Variants in FOXN4 observed in about 807,000 individuals in gnomAD.
FOXN4 encodes forkhead box protein N4.
Under a neutral mutation model 45.0 loss-of-function variants are expected in FOXN4, and 12 were observed. That is an observed-to-expected ratio of 0.27 (90% CI 0.17 to 0.43). The LOEUF is 0.43. Ranked by LOEUF, FOXN4 falls within the 20% of genes least tolerant of loss-of-function variation. The pLI, the probability that FOXN4 is intolerant of heterozygous loss-of-function variation, is 1.00. For missense variants in FOXN4, 560 were observed against 694.9 expected, an observed-to-expected ratio of 0.81 and a Z score of 2.18; for synonymous variants, 297 against 295.0, an observed-to-expected ratio of 1.01 and a Z score of -0.07.
In FOXN4 at chr12:109,285,458, C is replaced by T; in HGVS notation, c.747G>A (p.Lys249=). ...NSVRHNLSLN[K]CFEKVENKMS... is the part of the protein sequence containing the mutation. The stretch of plus-strand genomic sequence containing the variant: ...TCTTGTTCTCCACCTTCTCGAAGCA[C>T]TTGTTCAGAGACAGGTTGTGCCGCA... The change falls in exon 8 of 10, where the codon AAG becomes AAA. Residue 249 remains lysine (K), a synonymous_variant. Transcript: ENST00000299162. The T allele has an allele frequency of 6.2e-7, 1 of 1,614,114 alleles. No homozygotes were observed. Among genetic ancestry groups the T allele is most frequent in the Non-Finnish European group, 8.5e-7 (1 of 1,179,956 alleles).
chr12:109,284,956 T>C (rs749278978), intron 8 of FOXN4, among the ~76,000 whole-genome samples: 38 of 151,040 alleles, frequency 2.5e-4, no homozygotes, highest in Non-Finnish European at 4.6e-4. Flanking sequence ...CTCACCGGGA[T>C]TGGCCATGCT....
chr12:109,304,289 A>AAGAAAGAAAGAAAGAG (rs2047900134), intron 2 of FOXN4, among the ~76,000 whole-genome samples: 7 of 51,240 alleles, frequency 1.4e-4, no homozygotes, highest in African/African-American at 6.3e-4. Context: ...GAAAGAAAGA[A>AAGAAAGAAAGAAAGAG]AGAAAGGAGA....
chr12:109,290,059 G>A lies in FOXN4; in HGVS notation c.232+82C>T, dbSNP rs1455685351. 2.8e-6 allele frequency: 4 copies of A among 1,440,858 alleles called. No homozygotes were observed. In the African/African-American group the frequency reaches 5.7e-5, roughly 21 times the overall value. The allele number at this position is 1,440,858 out of a possible 1,614,324, so 89.3% of individuals were successfully genotyped here. ...GAGACTGGGAGACCGGGTCATGGCT[G>A]CACAGTGGGTGGGTGGCAGGGCTGG... On this transcript the variant is annotated intron_variant, in intron 3 of 9. Coordinates refer to ENST00000299162, the MANE Select transcript of FOXN4 (RefSeq NM_213596.3). This position sits in a 1 kb window ranked among gnomAD's most constrained non-coding sequence, Gnocchi z 5.1.
Position 109,290,119 on chromosome 12 carries a change from C to A in FOXN4, c.232+22G>T. 1 of 1,528,126 alleles carries A rather than the reference C, an allele frequency of 6.5e-7. No individual in the cohort carries two copies. Among genetic ancestry groups the A allele is most frequent in the Non-Finnish European group, 8.8e-7 (1 of 1,133,726 alleles). The allele number at this position is 1,528,126 out of a possible 1,614,324, so 94.7% of individuals were successfully genotyped here. A position where few individuals can be genotyped will look rare whatever the true frequency, so the allele number is the denominator to read the frequency against. Reference sequence around the variant, plus strand: ...CTCTCCTATATCACCCTCCTCCCTGCCTACCTTGTCCCTGAGCCTACCTGG... The same window carrying A: ...CTCTCCTATATCACCCTCCTCCCTGACTACCTTGTCCCTGAGCCTACCTGG... On this transcript the variant is annotated intron_variant, in intron 3 of 9. Transcript: ENST00000299162. The surrounding 1 kb of genome is among the most constrained non-coding windows in gnomAD (Gnocchi z 5.1).
Position 109,286,635 on chromosome 12 carries a change from G to T in FOXN4, c.693+13C>A. 6.2e-7 allele frequency: 1 copy of T among 1,602,206 alleles called. No individual in the cohort carries two copies. The stretch of plus-strand genomic sequence containing the variant: ...GGGCAGCTCCAGCACCCCTACCCTA[G>T]CTTGGGACTCACCTTGAAGTAGGGG... On this transcript the variant is annotated intron_variant, in intron 7 of 9. Transcript: ENST00000299162.
At chr12:109,304,970 G>A (rs2047908610) in intron 2 of FOXN4, among the ~76,000 whole-genome samples, 1 of 152,204 alleles carries the variant, frequency 6.6e-6, no homozygotes. Flanking sequence ...TGCAAATTGG[G>A]TGGCTCCATT....
chr12:109,304,199 A>G (rs1179314892), intron 2 of FOXN4, among the ~76,000 whole-genome samples: 1 of 149,348 alleles, frequency 6.7e-6, no homozygotes, highest in African/African-American at 2.5e-5. Flanking sequence ...AAAAAAAAAA[A>G]AAAGAAAGAA....
intron 2 of FOXN4, among the ~76,000 whole-genome samples, chr12:109,296,254 A>G (rs2047815888): frequency 6.6e-6 from 1 of 152,114 alleles, no homozygotes; most frequent in African/African-American, 2.4e-5. Flanking sequence ...AGCGCTGGGG[A>G]GCTGTGGCCC....
At chr12:109,305,592 C>G (rs1188893342) in intron 2 of FOXN4, among the ~76,000 whole-genome samples, 1 of 151,976 alleles carries the variant, frequency 6.6e-6, no homozygotes, top group African/African-American at 2.4e-5. Flanking sequence ...TAGCCAGGCA[C>G]GGTTGCTCTC....
chr12:109,296,105 C>G (rs2047814027), intron 2 of FOXN4, among the ~76,000 whole-genome samples: 1 of 152,244 alleles, frequency 6.6e-6, no homozygotes, highest in South Asian at 2.1e-4. Flanking sequence ...CCTGTCTCCA[C>G]CCTACTCACC....
At chr12:109,292,006 GC>G (rs986466917) in intron 2 of FOXN4, among the ~76,000 whole-genome samples, 9 of 152,194 alleles carry the variant, frequency 5.9e-5, no homozygotes, top group Non-Finnish European at 1.3e-4. Flanking sequence ...GACAGCCACG[GC>G]CCCGGGCCTG....
Position 109,287,747 on chromosome 12 carries a change from T to A in FOXN4, c.468+97A>T. Reference sequence around the variant, plus strand: ...GAGCATGGAGGGAATGTTATCCCCATGTGCTGGGTGAGTAAACTGAGGCTC... The same window carrying A: ...GAGCATGGAGGGAATGTTATCCCCAAGTGCTGGGTGAGTAAACTGAGGCTC... On this transcript the variant is annotated intron_variant, in intron 5 of 9. Coordinates refer to ENST00000299162, the MANE Select transcript of FOXN4 (RefSeq NM_213596.3). The surrounding 1 kb of genome is among the most constrained non-coding windows in gnomAD (Gnocchi z 4.1). The A allele has an allele frequency of 8.3e-7, 1 of 1,211,598 alleles. No individual in the cohort carries two copies. The highest frequency in any genetic ancestry group is 1.5e-5 in the South Asian group (1 of 64,584). 75.1% of individuals were successfully genotyped at this position (1,211,598 alleles called of 1,614,324 possible).
At chr12:109,284,912 TTGTG>T (rs1202470908) in intron 8 of FOXN4, among the ~76,000 whole-genome samples, 1 of 98,120 alleles carries the variant, frequency 1.0e-5, no homozygotes, top group Non-Finnish European at 2.1e-5. Context: ...GTGTGTGCAT[TTGTG>T]TGTGTGTGCG....
At chr12:109,295,361 A>G (rs1038791994) in intron 2 of FOXN4, among the ~76,000 whole-genome samples, 1 of 152,114 alleles carries the variant, frequency 6.6e-6, no homozygotes, top group Non-Finnish European at 1.5e-5. Context: ...TCTGCTCCCC[A>G]TCTGGGTGTG....
At chr12:109,301,238 C>G (rs906865449) in intron 2 of FOXN4, among the ~76,000 whole-genome samples, 1 of 152,218 alleles carries the variant, frequency 6.6e-6, no homozygotes, top group Non-Finnish European at 1.5e-5. Context: ...ACCCCAGCAT[C>G]CTCGTGTGCC....
intron 2 of FOXN4, among the ~76,000 whole-genome samples, chr12:109,294,891 G>A (rs1295433879): frequency 3.3e-5 from 5 of 152,088 alleles, no homozygotes; most frequent in Non-Finnish European, 7.3e-5. Context: ...CATTAAAGGT[G>A]TCCCCATGTG....
In FOXN4 at chr12:109,283,859, C is replaced by T. The variant is rs1173714048; in HGVS notation, c.901+1445G>A. Among the ~76,000 whole-genome samples the T allele has an allele frequency of 2.6e-5, 4 of 152,310 alleles. No homozygotes were observed. The East Asian group carries it at 5.8e-4, about 22-fold the overall frequency. On this transcript the variant is annotated intron_variant, in intron 8 of 9. Transcript: ENST00000299162. The stretch of plus-strand genomic sequence containing the variant: ...TGGTATGCCATTCTATTTATTTAAC[C>T]AACCCCTATTGTGAGATGTCTGGAC...
chr12:109,302,652 G>T (rs1314942786), intron 2 of FOXN4, among the ~76,000 whole-genome samples: 3 of 152,052 alleles, frequency 2.0e-5, no homozygotes, highest in East Asian at 1.9e-4. Context: ...AGGTGCTCAG[G>T]CCACATTTCT....
At chr12:109,289,897 G>A (rs949245482) in intron 3 of FOXN4, among the ~76,000 whole-genome samples, 2 of 152,246 alleles carry the variant, frequency 1.3e-5, no homozygotes, top group African/African-American at 4.8e-5. Flanking sequence ...AGATGCACCA[G>A]TGTGGCAGCG....
Sources: allele counts gnomAD v4.1 joint callset (sites outside exome capture counted in the v4.1 genomes callset), GRCh38; gene constraint gnomAD v4.1.1; non-coding constraint Gnocchi (gnomAD v3.1); transcripts MANE v1.5; gene names NCBI Gene and HGNC (gene_info 2026-07-23, HGNC 2026-07-21).